INPP4B: variants seen among roughly 807,000 people sequenced by gnomAD.
INPP4B encodes the protein inositol polyphosphate-4-phosphatase type II B, also known as inositol polyphosphate 4-phosphatase type II.
In INPP4B, 55 loss-of-function variants were observed where a neutral mutation model predicts 122.5. The ratio of observed to expected loss-of-function variants is 0.45; its 90% CI spans 0.36 to 0.56. INPP4B has a LOEUF of 0.56. Among genes scored for constraint, INPP4B ranks in the 20% least tolerant of loss-of-function variants. INPP4B has a pLI of 0.00. For missense variants in INPP4B, 1,000 were observed against 1,097.7 expected (o/e 0.91, Z 1.26); for synonymous variants, 403 against 388.7 (o/e 1.04, Z -0.43).
intron 1 of INPP4B, among the ~76,000 whole-genome samples, chr4:142,834,190 A>G (rs1176122296): frequency 6.6e-6 from 1 of 152,186 alleles, no homozygotes; most frequent in Admixed American, 6.5e-5. Flanking sequence ...GGAAGTATGC[A>G]GGGAATAAAT....
chr4:142,732,743 A>C (rs1449432418), intron 1 of INPP4B, among the ~76,000 whole-genome samples: 2 of 152,168 alleles, frequency 1.3e-5, no homozygotes, highest in East Asian at 3.8e-4. Flanking sequence ...TCAATATTAT[A>C]AGGATGTCAA....
At chr4:142,593,685 A>G (rs10013934) in intron 2 of INPP4B, among the ~76,000 whole-genome samples, 1,737 of 152,068 alleles carry the variant, frequency 0.011, 31 homozygotes, top group African/African-American at 0.04. Context: ...CCATTCTTCC[A>G]CTTTCTCTCT....
chr4:142,259,535 A>G (rs1479376107), intron 11 of INPP4B, among the ~76,000 whole-genome samples: 2 of 151,364 alleles, frequency 1.3e-5, no homozygotes, highest in African/African-American at 4.8e-5. Context: ...AATTGTTATA[A>G]TTGTTATAAA....
At chr4:142,256,401 T>C (rs1315893896) in intron 11 of INPP4B, among the ~76,000 whole-genome samples, 1 of 151,796 alleles carries the variant, frequency 6.6e-6, no homozygotes, top group African/African-American at 2.4e-5. Flanking sequence ...CTTCAAAAAA[T>C]TAATGAATCC....
rs576930636 is a variant in INPP4B, at chr4:142,037,071, T to A, written c.2643-8157A>T. On this transcript the variant is annotated intron_variant, in intron 25 of 25. Transcript: ENST00000262992. ...ATTCCAATGTCATTAGTTTTGGCCA[T>A]CACCGTGGAAGCAAATCACAATGTT... Among the ~76,000 whole-genome samples, 144 of 152,318 alleles carry A rather than the reference T, an allele frequency of 9.5e-4. 1 individual carries two copies. The highest frequency in any genetic ancestry group is 3.7e-3 in the Admixed American group (57 of 15,296).
intron 25 of INPP4B, among the ~76,000 whole-genome samples, 154 bp downstream of exon 25, chr4:142,081,877 T>C (rs1310321133): frequency 6.6e-6 from 1 of 151,512 alleles, no homozygotes; most frequent in South Asian, 2.1e-4. Context: ...GTGGAGAAAA[T>C]TATCTATCTC....
At chr4:142,059,957 AC>A (rs1457193317) in intron 25 of INPP4B, among the ~76,000 whole-genome samples, 1 of 152,300 alleles carries the variant, frequency 6.6e-6, no homozygotes, top group East Asian at 1.9e-4. Flanking sequence ...GTGAATTTGA[AC>A]CAAGTTAAAT....
intron 3 of INPP4B, among the ~76,000 whole-genome samples, chr4:142,432,240 C>T (rs543919814): frequency 6.6e-6 from 1 of 152,046 alleles, no homozygotes; most frequent in Admixed American, 6.6e-5. Context: ...TAAATGTCTG[C>T]CCAATGCCGT....
At chr4:142,645,245 C>T (rs140041756) in intron 2 of INPP4B, among the ~76,000 whole-genome samples, 1 of 152,218 alleles carries the variant, frequency 6.6e-6, no homozygotes, top group Non-Finnish European at 1.5e-5. Flanking sequence ...AAGAAATGCT[C>T]TATCAACTGA....
intron 2 of INPP4B, among the ~76,000 whole-genome samples, chr4:142,562,877 G>A (rs1182588824): frequency 6.6e-6 from 1 of 152,024 alleles, no homozygotes; most frequent in Non-Finnish European, 1.5e-5. Context: ...AAGAAAATCA[G>A]ACTAAATGCC....
intron 2 of INPP4B, among the ~76,000 whole-genome samples, chr4:142,481,830 A>G (rs1342615830): frequency 2.0e-5 from 3 of 152,180 alleles, no homozygotes; most frequent in Non-Finnish European, 2.9e-5. Flanking sequence ...AGCTATTGAG[A>G]ACTGGCTATT....
chr4:142,215,710 G>A (rs1846837132), intron 12 of INPP4B, among the ~76,000 whole-genome samples: 1 of 151,656 alleles, frequency 6.6e-6, no homozygotes, highest in South Asian at 2.1e-4. Context: ...TGGCTAACAT[G>A]GTGAATCCTC....
At chr4:142,408,712 GTTTA>G (rs1215388311) in intron 5 of INPP4B, among the ~76,000 whole-genome samples, 2 of 152,136 alleles carry the variant, frequency 1.3e-5, no homozygotes, top group African/African-American at 2.4e-5. Context: ...GTTTCGTTTT[GTTTA>G]TTTAAGAATT....
At chr4:142,452,875 T>C (rs1365478308) in intron 3 of INPP4B, among the ~76,000 whole-genome samples, 1 of 152,016 alleles carries the variant, frequency 6.6e-6, no homozygotes, top group African/African-American at 2.4e-5. Context: ...CCAAATATAC[T>C]TGAAAATATA....
chr4:142,033,733 T>C (rs115660036), intron 25 of INPP4B, among the ~76,000 whole-genome samples: 4,265 of 149,090 alleles, frequency 0.029, 208 homozygotes, highest in African/African-American at 0.1. Context: ...GGCGTGATCA[T>C]GGCCTACTGC....
chr4:142,401,343 C>A (rs1018342518), intron 7 of INPP4B, among the ~76,000 whole-genome samples: 1 of 152,140 alleles, frequency 6.6e-6, no homozygotes, highest in South Asian at 2.1e-4. Context: ...CAGCTGCAGT[C>A]TACTCCTTTT....
intron 3 of INPP4B, among the ~76,000 whole-genome samples, chr4:142,435,657 G>A (rs1434366227): frequency 1.3e-5 from 2 of 152,348 alleles, no homozygotes; most frequent in East Asian, 3.9e-4. Flanking sequence ...GTGTGGTGTG[G>A]CTGCCCACCT....
chr4:142,358,284 C>A (rs1373034509), intron 7 of INPP4B, among the ~76,000 whole-genome samples: 1 of 151,856 alleles, frequency 6.6e-6, no homozygotes, highest in Non-Finnish European at 1.5e-5. Flanking sequence ...TAGAGGTATG[C>A]ATTCCATTTT....
At position 142,041,479 on chromosome 4, in the gene INPP4B, T is replaced by G. The variant is rs1331025278; in HGVS notation, c.2643-12565A>C. On this transcript the variant is annotated intron_variant, in intron 25 of 25. Coordinates refer to ENST00000262992, the MANE Select transcript of INPP4B (RefSeq NM_001101669.3). The stretch of plus-strand genomic sequence containing the variant: ...CTAAAAATACAAAAATTAGCTGGGC[T>G]TGGTGGCGGGCACCTGTAATCACAG... 2.0e-5 allele frequency among the ~76,000 whole-genome samples: 3 copies of G among 151,944 alleles called. No individual in the cohort carries two copies. The East Asian group carries it at 5.8e-4, about 30-fold the overall frequency.
Sources: gnomAD v4.1 joint callset for allele counts (sites outside exome capture counted in the v4.1 genomes callset) on GRCh38, gnomAD v4.1.1 for gene constraint, MANE v1.5 for transcripts, NCBI Gene and HGNC (gene_info 2026-07-23, HGNC 2026-07-21) for gene names.